RARA: variants seen among roughly 807,000 people sequenced by gnomAD.
RARA encodes retinoic acid receptor alpha.
In RARA, 5 loss-of-function variants were observed where a neutral mutation model predicts 42.8. The ratio of observed to expected loss-of-function variants is 0.12; its 90% confidence interval spans 0.06 to 0.25. The LOEUF (loss-of-function observed/expected upper bound fraction) is 0.25. Among genes scored for constraint, RARA ranks in the 10% least tolerant of loss-of-function variants. The probability of loss-of-function intolerance (pLI) is 1.00; values close to 1 mark genes in which losing one functional copy is unlikely to be tolerated. For missense variants in RARA, 402 were observed against 628.7 expected, an observed-to-expected ratio of 0.64 and a Z score of 3.86; for synonymous variants, 256 against 259.5, an observed-to-expected ratio of 0.99 and a Z score of 0.13.
At position 40,351,216 on chromosome 17, in the gene RARA, C is replaced by G. The variant is rs958336403; in HGVS notation, c.470-694C>G. The stretch of plus-strand genomic sequence containing the variant: ...ATCTCCAAATTATGCCAGCTACCCC[C>G]ACCTCGCTACCCCCTCCCTGAGCCC... On this transcript the variant is annotated intron_variant, in intron 4 of 8. Transcript: ENST00000254066. This position sits in a 1 kb window ranked among gnomAD's most constrained non-coding sequence, Gnocchi z 4.1. 3.9e-4 allele frequency among the ~76,000 whole-genome samples: 59 copies of G among 151,714 alleles called. No homozygotes were observed. The highest frequency in any genetic ancestry group is 1.4e-3 in the African/African-American group (58 of 41,252).
intron 2 of RARA, chr17:40,341,744 C>T (rs564052972): frequency 2.4e-5 from 31 of 1,294,764 alleles, no homozygotes; most frequent in Middle Eastern, 2.9e-4. Flanking sequence ...GGGACCACCC[C>T]CCTCTTCCCC....
chr17:40,317,097 ACT>A (rs1313792652), intron 1 of RARA, among the ~76,000 whole-genome samples: 3 of 152,184 alleles, frequency 2.0e-5, no homozygotes, highest in East Asian at 1.9e-4. Context: ...CTGCTCTTGG[ACT>A]CTCTTTCCTT....
intron 2 of RARA, among the ~76,000 whole-genome samples, chr17:40,338,971 T>C (rs575158577): frequency 3.0e-4 from 46 of 152,196 alleles, no homozygotes; most frequent in African/African-American, 1.1e-3. Flanking sequence ...TGGGCTGAGA[T>C]CACACCACTG....
intron 2 of RARA, among the ~76,000 whole-genome samples, chr17:40,335,998 CCT>C (rs1482310211): frequency 1.3e-5 from 2 of 152,146 alleles, no homozygotes; most frequent in Admixed American, 6.5e-5. Context: ...AGAGCAAGAC[CCT>C]GTCTCAAAAA....
chr17:40,326,772 C>T lies in RARA; in HGVS notation c.-362-4085C>T, dbSNP rs1415163593. 6.6e-6 allele frequency among the ~76,000 whole-genome samples: 1 copy of T among 152,046 alleles called. No individual in the cohort carries two copies. The highest frequency in any genetic ancestry group is 2.4e-5 in the African/African-American group (1 of 41,372). On this transcript the variant is annotated intron_variant, in intron 1 of 8. Transcript: ENST00000254066. This position sits in a 1 kb window ranked among gnomAD's most constrained non-coding sequence, Gnocchi z 5.2. ...TTTTCCCTCTCTTTGGTACTGGTTT[C>T]GATTCTCTGCCGAGGCCTTCTCCAC...
chr17:40,341,830 C>G (rs2034059000), intron 2 of RARA: 2 of 1,132,814 alleles, frequency 1.8e-6, no homozygotes, highest in Non-Finnish European at 1.1e-6. Context: ...GGAGCCGGAA[C>G]TGGTACAAGG....
intron 1 of RARA, among the ~76,000 whole-genome samples, chr17:40,328,937 G>T (rs1370076422): frequency 6.6e-6 from 1 of 152,164 alleles, no homozygotes; most frequent in Non-Finnish European, 1.5e-5. Flanking sequence ...CCTAGGAGTA[G>T]AATTGCTGGG....
chr17:40,334,920 A>G (rs1194972462), intron 2 of RARA, among the ~76,000 whole-genome samples: 1 of 152,176 alleles, frequency 6.6e-6, no homozygotes. Flanking sequence ...GTTCTGCTAC[A>G]GCCAGGGTGG....
Position 40,351,354 on chromosome 17 carries a change from T to A in RARA, c.470-556T>A. On this transcript the variant is annotated intron_variant, in intron 4 of 8. Transcript: ENST00000254066. The surrounding 1 kb of genome is among the most constrained non-coding windows in gnomAD (Gnocchi z 4.1). ...ACCCCATCGCTTCTTTAAAGCCGAG[T>A]GGTGTGTGCGGCTCAGCGCCCCTGG... The A allele has an allele frequency of 3.0e-6, 1 of 328,304 alleles. No individual in the cohort carries two copies. Among genetic ancestry groups the A allele is most frequent in the Non-Finnish European group, 6.6e-6 (1 of 151,980 alleles). 20.3% of individuals were successfully genotyped at this position (328,304 alleles called of 1,614,324 possible). A position where few individuals can be genotyped will look rare whatever the true frequency, so the allele number is the denominator to read the frequency against.
chr17:40,329,167 C>G (rs1275906099), intron 1 of RARA, among the ~76,000 whole-genome samples: 1 of 151,168 alleles, frequency 6.6e-6, no homozygotes, highest in Non-Finnish European at 1.5e-5. Context: ...GAGTCTCACT[C>G]TGTTGCCCAG....
At chr17:40,314,196 T>TGGGGGGGGGGGGGGGGGGGGGGGGGGGGG (rs2033148511) in intron 1 of RARA, among the ~76,000 whole-genome samples, 1 of 22,848 alleles carries the variant, frequency 4.4e-5, no homozygotes, top group African/African-American at 1.7e-4. Context: ...GGGGTGGGGG[T>TGGGGGGGGGGGGGGGGGGGGGGGGGGGGG]GGGGACGAGC....
chr17:40,316,456 C>A (rs1341765497), intron 1 of RARA, among the ~76,000 whole-genome samples: 1 of 152,264 alleles, frequency 6.6e-6, no homozygotes, highest in Non-Finnish European at 1.5e-5. Flanking sequence ...ATGCCTGACC[C>A]TATGATGGCA....
Position 40,345,459 on chromosome 17 carries a change from G to C in RARA, c.179-2857G>C, listed in dbSNP as rs1209221509. 6.6e-6 allele frequency: 1 copy of C among 152,248 alleles called. No individual in the cohort carries two copies. Among genetic ancestry groups the C allele is most frequent in the East Asian group, 1.9e-4 (1 of 5,190 alleles). The allele number at this position is 152,248 out of a possible 1,614,324, so 9.4% of individuals were successfully genotyped here. Reference sequence around the variant, plus strand: ...TCCTGCTGATCTCCTCCAGGAAACCGGCCCCTTGTGCGAGCCTGCGAACGG... The same window carrying C: ...TCCTGCTGATCTCCTCCAGGAAACCCGCCCCTTGTGCGAGCCTGCGAACGG... On this transcript the variant is annotated intron_variant, in intron 2 of 8. Coordinates refer to ENST00000254066, the MANE Select transcript of RARA (RefSeq NM_000964.4). This position sits in a 1 kb window ranked among gnomAD's most constrained non-coding sequence, Gnocchi z 4.8.
At position 40,348,484 on chromosome 17, in the gene RARA, G is replaced by C. The variant is rs201062410; in HGVS notation, c.327+20G>C. The stretch of plus-strand genomic sequence containing the variant: ...TGCAAGGTGAGTTGAAGGGGTCATT[G>C]GGAAGGACAGCTTGATGAGGTCAAT... On this transcript the variant is annotated intron_variant, in intron 3 of 8. Transcript: ENST00000254066. The C allele has an allele frequency of 1.5e-5, 24 of 1,608,334 alleles. No homozygotes were observed. The highest frequency in any genetic ancestry group is 2.0e-5 in the Non-Finnish European group (24 of 1,177,020).
intron 1 of RARA, among the ~76,000 whole-genome samples, chr17:40,322,476 T>A (rs1389141132): frequency 5.3e-5 from 8 of 152,092 alleles, no homozygotes; most frequent in Non-Finnish European, 8.8e-5. Flanking sequence ...CATGTGTCAC[T>A]GTACCCCGCA....
At position 40,354,255 on chromosome 17, in the gene RARA, AGTGGGTTCGG is replaced by A; in HGVS notation, c.808-44_808-35del. The A allele has an allele frequency of 1.3e-6, 2 of 1,582,478 alleles. No individual in the cohort carries two copies. Among genetic ancestry groups the A allele is most frequent in the Non-Finnish European group, 1.7e-6 (2 of 1,155,136 alleles). ...CGGAGTGCTGGTGCCGAGTGCTCAG[AGTGGGTTCGG>A]GTTCAGTCCCTGAACCCAAGCATCC... On this transcript the variant is annotated intron_variant, in intron 6 of 8. Coordinates refer to ENST00000254066, the MANE Select transcript of RARA (RefSeq NM_000964.4). The surrounding 1 kb of genome is among the most constrained non-coding windows in gnomAD (Gnocchi z 4.5).
intron 1 of RARA, among the ~76,000 whole-genome samples, chr17:40,312,833 G>T (rs1339368421): frequency 1.3e-5 from 2 of 152,142 alleles, no homozygotes; most frequent in Non-Finnish European, 2.9e-5. Context: ...CACTCAATCA[G>T]TCATTGGCTG....
intron 1 of RARA, among the ~76,000 whole-genome samples, chr17:40,325,242 C>T (rs1300013685): frequency 6.7e-6 from 1 of 150,098 alleles, no homozygotes; most frequent in Admixed American, 6.6e-5. Context: ...CAGGGTGAGA[C>T]TCCATCTCAA....
At position 40,343,026 on chromosome 17, in the gene RARA, G is replaced by T. The variant is rs1302247658; in HGVS notation, c.179-5290G>T. The T allele has an allele frequency of 3.6e-6, 5 of 1,390,182 alleles. No individual in the cohort carries two copies. In the East Asian group the frequency reaches 7.8e-5, roughly 22 times the overall value. The allele number at this position is 1,390,182 out of a possible 1,614,324, so 86.1% of individuals were successfully genotyped here. ...CTTGCTGGACAATTGAACCCTCCCGGCCGCACCCTCCCCCCAGTAACCCTA... is the reference window on the plus strand; with the variant it reads ...CTTGCTGGACAATTGAACCCTCCCGTCCGCACCCTCCCCCCAGTAACCCTA... On this transcript the variant is annotated intron_variant, in intron 2 of 8. Coordinates refer to ENST00000254066, the MANE Select transcript of RARA (RefSeq NM_000964.4).
Sources: allele counts gnomAD v4.1 joint callset (sites outside exome capture counted in the v4.1 genomes callset), GRCh38; gene constraint gnomAD v4.1.1; non-coding constraint Gnocchi (gnomAD v3.1); transcripts MANE v1.5; gene names NCBI Gene and HGNC (gene_info 2026-07-23, HGNC 2026-07-21).